The following LARGE1 variants were observed in gnomAD, a reference collection of about 807,000 sequenced individuals.
LARGE1 encodes the protein LARGE xylosyl- and glucuronyltransferase 1, also known as xylosyl- and glucuronyltransferase LARGE1.
LARGE1 carries 43 observed loss-of-function variants against 87.6 expected under a neutral mutation model. The observed-to-expected ratio is 0.49, with a 90% CI of 0.38 to 0.63. The LOEUF (loss-of-function observed/expected upper bound fraction) is 0.63, where lower values mean the gene tolerates loss of function less well. LARGE1 is among the 30% of genes least tolerant of loss of function. LARGE1 has a pLI of 0.00. For synonymous variants in LARGE1, 434 were observed against 394.6 expected (o/e 1.10, Z -1.18); for missense variants, 802 against 1,000.2 (o/e 0.80, Z 2.67).
chr22:33,291,882 C>T (rs1932652069), intron 12 of LARGE1, among the ~76,000 whole-genome samples: 1 of 152,006 alleles, frequency 6.6e-6, no homozygotes, highest in Non-Finnish European at 1.5e-5. Flanking sequence ...AACCTAAGGT[C>T]AGGGGTTAGA....
intron 6 of LARGE1, among the ~76,000 whole-genome samples, chr22:33,517,770 A>G (rs2071383733): frequency 6.6e-6 from 1 of 152,224 alleles, no homozygotes; most frequent in Admixed American, 6.5e-5. Flanking sequence ...GACCCGGAGT[A>G]AGAAGCTCTT....
chr22:33,423,531 T>C (rs1265855318), intron 7 of LARGE1, among the ~76,000 whole-genome samples: 1 of 151,094 alleles, frequency 6.6e-6, no homozygotes, highest in Admixed American at 6.6e-5. Flanking sequence ...AATACATAAA[T>C]TAGCTGGGCA....
chr22:33,514,658 C>T (rs576316755), intron 6 of LARGE1, among the ~76,000 whole-genome samples: 19 of 152,244 alleles, frequency 1.2e-4, no homozygotes, highest in Admixed American at 1.0e-3. Context: ...TTGGTATCCA[C>T]GGGGTTCCTG....
At chr22:33,395,691 C>T (rs1052936841) in intron 7 of LARGE1, among the ~76,000 whole-genome samples, 1 of 152,084 alleles carries the variant, frequency 6.6e-6, no homozygotes. Flanking sequence ...AAGTAGGGAC[C>T]AAAGTGCCTG....
chr22:33,301,905 T>C lies in LARGE1; in HGVS notation c.1730+2324A>G, dbSNP rs148660258. 5.9e-3 allele frequency among the ~76,000 whole-genome samples: 905 copies of C among 152,286 alleles called. 6 individuals are homozygous for C. Among genetic ancestry groups the C allele is most frequent in the Non-Finnish European group, 9.6e-3 (652 of 68,016 alleles). On this transcript the variant is annotated intron_variant, in intron 12 of 14. Coordinates refer to ENST00000397394, the MANE Select transcript of LARGE1 (RefSeq NM_133642.5). ...AAGACAAAGAAAAAAAAACTGTTCA[T>C]ACGTATTGCTTTTTAAAACATGATG...
intron 1 of LARGE1, chr22:33,889,188 T>A (rs2064939602): frequency 8.4e-6 from 1 of 118,414 alleles, no homozygotes; most frequent in Admixed American, 9.0e-5. Flanking sequence ...CGTGAGCTTT[T>A]TCTCAAGCCC....
chr22:33,418,409 A>T (rs180786916), intron 7 of LARGE1, among the ~76,000 whole-genome samples: 4 of 152,258 alleles, frequency 2.6e-5, no homozygotes, highest in Non-Finnish European at 2.9e-5. Flanking sequence ...GGATACTAGG[A>T]TGGGGGTGGG....
At chr22:33,720,813 G>C (rs1260614743) in intron 2 of LARGE1, among the ~76,000 whole-genome samples, 1 of 152,166 alleles carries the variant, frequency 6.6e-6, no homozygotes, top group Non-Finnish European at 1.5e-5. Flanking sequence ...GGAGTGTAGT[G>C]GCTGGTCTGC....
rs2068822796 is a variant in LARGE1, at chr22:33,471,125, T to C, written c.788-38860A>G. On this transcript the variant is annotated intron_variant, in intron 6 of 14. Transcript: ENST00000397394. ...TCACGGCAACCTCTGCCACCTGGGT[T>C]CAAGCAATTCTCATGCCTCAGCCTT... is the stretch of plus-strand genomic sequence containing the variant. 4.0e-5 allele frequency among the ~76,000 whole-genome samples: 6 copies of C among 151,830 alleles called. No homozygotes were observed. The South Asian group carries it at 1.3e-3, about 32-fold the overall frequency.
chr22:33,852,147 T>C (rs2063602071), intron 1 of LARGE1, among the ~76,000 whole-genome samples: 1 of 152,194 alleles, frequency 6.6e-6, no homozygotes, highest in Non-Finnish European at 1.5e-5. Context: ...CTCGACAACT[T>C]GTTCCACAAG....
chr22:33,602,318 A>G (rs936622529), intron 5 of LARGE1, among the ~76,000 whole-genome samples: 7 of 151,436 alleles, frequency 4.6e-5, no homozygotes, highest in Admixed American at 4.6e-4. Context: ...TTTTTTGAGG[A>G]AAAAAAATGA....
chr22:33,245,943 C>CA (rs1385095691), intron 11 of LARGE1, among the ~76,000 whole-genome samples: 1 of 151,886 alleles, frequency 6.6e-6, no homozygotes, highest in Non-Finnish European at 1.5e-5. Context: ...AGAATTCATC[C>CA]AAAAAAATGA....
intron 6 of LARGE1, among the ~76,000 whole-genome samples, chr22:33,545,448 A>ACACACACACACACC (rs2077334986): frequency 7.6e-6 from 1 of 131,004 alleles, no homozygotes; most frequent in Non-Finnish European, 1.7e-5. Context: ...ACACACACAC[A>ACACACACACACACC]CAATTTCTTC....
At chr22:33,577,526 C>T (rs1894448) in intron 5 of LARGE1, among the ~76,000 whole-genome samples, 35,413 of 152,170 alleles carry the variant, frequency 0.23, 4,719 homozygotes, top group East Asian at 0.34. Context: ...CAATTTCTCT[C>T]GCTCTCACAA....
chr22:33,072,760 C>T, the LARGE1 span, among the ~76,000 whole-genome samples: 1 of 152,150 alleles, frequency 6.6e-6, no homozygotes, highest in Non-Finnish European at 1.5e-5. Context: ...CTGACTCTCT[C>T]TCCCAAGTCT....
intron 2 of LARGE1, chr22:33,732,393 G>A (rs1453875502): frequency 6.6e-6 from 1 of 152,282 alleles, no homozygotes; most frequent in African/African-American, 2.4e-5. Context: ...AGAAGAATGA[G>A]TAGATCTGAA....
At chr22:33,383,789 T>G (rs746630345) in intron 8 of LARGE1, among the ~76,000 whole-genome samples, 6 of 152,184 alleles carry the variant, frequency 3.9e-5, no homozygotes, top group Non-Finnish European at 7.3e-5. Flanking sequence ...CTGGGAAATA[T>G]GCTGTGGCAT....
At chr22:33,105,591 G>A in the LARGE1 span, 10 of 152,062 alleles carry the variant, frequency 6.6e-5, no homozygotes, top group African/African-American at 1.2e-4. Flanking sequence ...TCATGTTCTC[G>A]TTTCCTCCTC....
intron 2 of LARGE1, among the ~76,000 whole-genome samples, chr22:33,672,944 C>T (rs548400824): frequency 5.9e-5 from 9 of 152,198 alleles, no homozygotes; most frequent in South Asian, 4.2e-4. Context: ...AGTTACACTG[C>T]GGTAAGTACA....
Sources: allele counts gnomAD v4.1 joint callset (sites outside exome capture counted in the v4.1 genomes callset), GRCh38; gene constraint gnomAD v4.1.1; transcripts MANE v1.5; gene names NCBI Gene and HGNC (gene_info 2026-07-23, HGNC 2026-07-21).